The following AGL variants were observed in gnomAD, a reference collection of about 807,000 sequenced individuals.
AGL encodes amylo-alpha-1,6-glucosidase and 4-alpha-glucanotransferase.
AGL carries 128 observed loss-of-function variants against 199.3 expected under a neutral mutation model. That is an observed-to-expected ratio of 0.64 (90% confidence interval 0.56 to 0.74). The LOEUF (loss-of-function observed/expected upper bound fraction) is 0.74, where lower values mean the gene tolerates loss of function less well. Ranked by LOEUF, AGL falls within the 30% of genes least tolerant of loss-of-function variation. AGL has a pLI of 0.00. For synonymous variants in AGL, 584 were observed against 594.7 expected, an observed-to-expected ratio of 0.98 and a Z score of 0.26; for missense variants, 1,809 against 1,820.8, an observed-to-expected ratio of 0.99 and a Z score of 0.12.
At chr1:99,883,308 A>G (rs1009635528) in intron 17 of AGL, among the ~76,000 whole-genome samples, 2 of 152,178 alleles carry the variant, frequency 1.3e-5, no homozygotes, top group African/African-American at 4.8e-5. Context: ...GAAATTTTAT[A>G]TAATCCATTG....
chr1:99,879,700 CCT>C (rs1651848742), intron 12 of AGL, among the ~76,000 whole-genome samples: 1 of 151,444 alleles, frequency 6.6e-6, no homozygotes, highest in East Asian at 1.9e-4. Flanking sequence ...TTCTTCTTTT[CCT>C]CTCTCATGTC....
intron 7 of AGL, among the ~76,000 whole-genome samples, chr1:99,873,456 CAG>C (rs1651201989): frequency 3.7e-5 from 5 of 135,676 alleles, no homozygotes; most frequent in Admixed American, 2.3e-4. Context: ...TTTTTTGAGA[CAG>C]AGTTTCACTC....
intron 28 of AGL, 69 bp from the exon 29 acceptor site, chr1:99,912,336 C>G: frequency 8.8e-7 from 1 of 1,131,758 alleles, no homozygotes; most frequent in Non-Finnish European, 1.3e-6. Context: ...CAATTGTTTA[C>G]CGAATGCCCT....
At chr1:99,893,147 T>C (rs941437387) in intron 24 of AGL, among the ~76,000 whole-genome samples, 4 of 152,198 alleles carry the variant, frequency 2.6e-5, no homozygotes, top group African/African-American at 9.6e-5. Context: ...TTTTGTTTTC[T>C]TTTTAATACA....
At chr1:99,917,586 G>A (rs545892541) in intron 33 of AGL, among the ~76,000 whole-genome samples, 1 of 152,082 alleles carries the variant, frequency 6.6e-6, no homozygotes, top group Non-Finnish European at 1.5e-5. Flanking sequence ...TTAAATGTTT[G>A]TTGTCTGTTT....
chr1:99,915,119 G>A (rs1437050586), intron 30 of AGL, among the ~76,000 whole-genome samples: 4 of 152,116 alleles, frequency 2.6e-5, no homozygotes, highest in African/African-American at 4.8e-5. Context: ...CTTCAGTGTA[G>A]CTGTGGCAAC....
chr1:99,913,609 C>T lies in AGL; in HGVS notation c.4032C>T (p.Asp1344=). 1.2e-6 allele frequency: 2 copies of T among 1,613,926 alleles called. No individual in the cohort carries two copies. The highest frequency in any genetic ancestry group is 3.3e-5 in the Admixed American group (2 of 59,986). ...NFEKLFHVSE[D]PSDLNEKHPN... is the part of the protein sequence containing the mutation. ...AAAAGCTATTTCATGTTTCCGAAGA[C>T]CCTTCAGATTTAAATGAAAAGCATC... The change falls in exon 30 of 34, where the codon GAC becomes GAT. Residue 1344 remains aspartate (D), a synonymous_variant. Coordinates refer to ENST00000361915, the MANE Select transcript of AGL (RefSeq NM_000642.3).
chr1:99,875,470 T>G lies in AGL; in HGVS notation c.1283+15T>G. The stretch of plus-strand genomic sequence containing the variant: ...TTAGTTACCAGGTGTTGCATTTTTG[T>G]TTTTTTTCTTATTGATGGTTGAAAA... On this transcript the variant is annotated intron_variant, in intron 10 of 33. Transcript: ENST00000361915. The G allele has an allele frequency of 6.2e-7, 1 of 1,608,970 alleles. No homozygotes were observed.
At chr1:99,889,370 A>G (rs1181054767) in intron 21 of AGL, among the ~76,000 whole-genome samples, 1 of 152,006 alleles carries the variant, frequency 6.6e-6, no homozygotes, top group Non-Finnish European at 1.5e-5. Flanking sequence ...CTTTTTTTCT[A>G]AAATATTCTC....
chr1:99,881,480 C>A, intron 16 of AGL, 33 bp downstream of exon 16: 1 of 1,613,952 alleles, frequency 6.2e-7, no homozygotes, highest in Non-Finnish European at 8.5e-7. Context: ...TCTTCAGGTT[C>A]AATTTCAGAG....
chr1:99,873,714 G>T (rs974852440), intron 7 of AGL, among the ~76,000 whole-genome samples: 4 of 152,144 alleles, frequency 2.6e-5, no homozygotes, highest in Non-Finnish European at 5.9e-5. Flanking sequence ...GATTACAGGT[G>T]CAAGCCACCA....
rs1190140420 is a variant in AGL, at chr1:99,881,749, C to T, written c.2308+58C>T. 2.2e-6 allele frequency: 3 copies of T among 1,383,854 alleles called. No individual in the cohort carries two copies. The African/African-American group carries it at 4.4e-5, about 20-fold the overall frequency. The allele number at this position is 1,383,854 out of a possible 1,614,324, so 85.7% of individuals were successfully genotyped here. The stretch of plus-strand genomic sequence containing the variant: ...TATTATATTATTATATTAAATTATA[C>T]TGTAATGTTATGGTTATATATCATG... On this transcript the variant is annotated intron_variant, in intron 17 of 33. Coordinates refer to ENST00000361915, the MANE Select transcript of AGL (RefSeq NM_000642.3).
intron 2 of AGL, among the ~76,000 whole-genome samples, chr1:99,857,841 A>AGGGGGGAGAGGGAGAGCGGGGGGG (rs1402738862): frequency 1.6e-4 from 1 of 6,186 alleles, no homozygotes; most frequent in Non-Finnish European, 3.3e-4. Context: ...GGGGAGGGGG[A>AGGGGGGAGAGGGAGAGCGGGGGGG]GGGGGAGGGG....
chr1:99,850,991 T>C lies in AGL; in HGVS notation c.-52T>C. The C allele has an allele frequency of 7.0e-7, 1 of 1,429,194 alleles. No individual in the cohort carries two copies. The highest frequency in any genetic ancestry group is 1.1e-5 in the South Asian group (1 of 87,090). 88.5% of individuals were successfully genotyped at this position (1,429,194 alleles called of 1,614,324 possible). On this transcript the variant is annotated 5_prime_UTR_variant, in exon 2 of 34. Transcript: ENST00000361915. The stretch of plus-strand genomic sequence containing the variant: ...GTTTCATAGGGGTAACTCATTCGAC[T>C]GTGGAGTTCTTTTAATTCTTATGAA...
At chr1:99,855,893 C>G (rs1007479794) in intron 2 of AGL, among the ~76,000 whole-genome samples, 1 of 151,890 alleles carries the variant, frequency 6.6e-6, no homozygotes, top group African/African-American at 2.4e-5. Context: ...ATAATTTTTA[C>G]TATTTTTTAA....
chr1:99,881,782 C>A, intron 17 of AGL, 91 bp downstream of exon 17: 1 of 1,150,314 alleles, frequency 8.7e-7, no homozygotes, highest in Non-Finnish European at 1.2e-6. Flanking sequence ...ATGTATATAT[C>A]ATATATATTA....
Position 99,903,440 on chromosome 1 carries a change from C to G in AGL, c.3700+646C>G, listed in dbSNP as rs895760376. On this transcript the variant is annotated intron_variant, in intron 27 of 33. Coordinates refer to ENST00000361915, the MANE Select transcript of AGL (RefSeq NM_000642.3). ...TGAGAATGATGGTTTCCAGCTTCAT[C>G]CATGTCCCTACAAAGGACATGAACT... 2.6e-5 allele frequency among the ~76,000 whole-genome samples: 4 copies of G among 152,266 alleles called. No homozygotes were observed. The South Asian group carries it at 6.2e-4, about 24-fold the overall frequency.
intron 24 of AGL, among the ~76,000 whole-genome samples, chr1:99,893,481 A>C (rs1653064038): frequency 6.6e-6 from 1 of 152,214 alleles, no homozygotes; most frequent in Non-Finnish European, 1.5e-5. Context: ...GAATCCATGC[A>C]GATGCTCATG....
chr1:99,884,260 A>G lies in AGL; in HGVS notation c.2433+16A>G. ...ACATATTCAGGTATTTGGGACTCTC[A>G]TCTTACTACTGTGTTTAGCATTTTA... On this transcript the variant is annotated intron_variant, in intron 18 of 33. Coordinates refer to ENST00000361915, the MANE Select transcript of AGL (RefSeq NM_000642.3). 1 of 1,613,160 alleles carries G rather than the reference A, an allele frequency of 6.2e-7. No individual in the cohort carries two copies. Among genetic ancestry groups the G allele is most frequent in the Non-Finnish European group, 8.5e-7 (1 of 1,179,356 alleles).
Sources: allele counts gnomAD v4.1 joint callset (sites outside exome capture counted in the v4.1 genomes callset), GRCh38; gene constraint gnomAD v4.1.1; transcripts MANE v1.5; gene names NCBI Gene and HGNC (gene_info 2026-07-23, HGNC 2026-07-21).